The following KDM4A variants were observed in gnomAD, a reference collection of about 807,000 sequenced individuals.
KDM4A encodes the protein lysine demethylase 4A, also known as lysine-specific demethylase 4A.
Under a neutral mutation model 127.1 loss-of-function variants are expected in KDM4A, and 23 were observed. The observed-to-expected ratio is 0.18, with a 90% confidence interval of 0.13 to 0.26. The LOEUF (loss-of-function observed/expected upper bound fraction) is 0.26, where lower values mean the gene tolerates loss of function less well. Ranked by LOEUF, KDM4A falls within the 10% of genes least tolerant of loss-of-function variation. KDM4A has a pLI of 1.00. For synonymous variants in KDM4A, 443 were observed against 466.5 expected (o/e 0.95, Z 0.65); for missense variants, 890 against 1,329.1 (o/e 0.67, Z 5.14).
At chr1:43,660,522 G>C in intron 4 of KDM4A, 110 bp downstream of exon 4, 4 of 1,415,522 alleles carry the variant, frequency 2.8e-6, no homozygotes, top group Non-Finnish European at 3.8e-6. Flanking sequence ...ATGGGTGGAT[G>C]AACAGATGAT....
chr1:43,704,497 C>T lies in KDM4A; in HGVS notation c.*127C>T, dbSNP rs978322044. The T allele has an allele frequency of 3.8e-6, 4 of 1,045,632 alleles. No individual in the cohort carries two copies. Among genetic ancestry groups the T allele is most frequent in the East Asian group, 2.4e-5 (1 of 41,748 alleles). 64.8% of individuals were successfully genotyped at this position (1,045,632 alleles called of 1,614,324 possible). ...GTAAAAAGAAAAGGAATGAAATAAC[C>T]GACCCATCATCTTCTCACCCACCCT... On this transcript the variant is annotated 3_prime_UTR_variant, in exon 22 of 22. Transcript: ENST00000372396.
chr1:43,700,174 T>G (rs1041284608), intron 19 of KDM4A: 3 of 152,114 alleles, frequency 2.0e-5, no homozygotes, highest in Non-Finnish European at 4.4e-5. Context: ...GTCACCCACG[T>G]TGGAGTGCAG....
At chr1:43,664,822 T>C (rs960487011) in intron 5 of KDM4A, among the ~76,000 whole-genome samples, 6 of 152,290 alleles carry the variant, frequency 3.9e-5, no homozygotes, top group African/African-American at 1.2e-4. Flanking sequence ...TTTCCAGTTA[T>C]TATATACATT....
intron 11 of KDM4A, 116 bp from the exon 12 acceptor site, chr1:43,683,568 A>C (rs890385906): frequency 8.3e-7 from 1 of 1,204,060 alleles, no homozygotes; most frequent in Non-Finnish European, 1.2e-6. Flanking sequence ...GTTTGGTATT[A>C]TATGTCTTTT....
chr1:43,675,982 A>G (rs1053508877), intron 11 of KDM4A, among the ~76,000 whole-genome samples: 3 of 151,666 alleles, frequency 2.0e-5, no homozygotes, highest in African/African-American at 7.3e-5. Context: ...CTGAGGCAGG[A>G]AAGCGCTTAA....
chr1:43,703,803 CA>C, intron 20 of KDM4A, 67 bp downstream of exon 20: 1 of 1,595,888 alleles, frequency 6.3e-7, no homozygotes, highest in Non-Finnish European at 8.6e-7. Context: ...CCTGTTGGGC[CA>C]GAGGCGAGTC....
rs1660415149 is a variant in KDM4A, at chr1:43,662,817, C to T, written c.430-77C>T. ...GTCAGAGATGACAGCTTACTTGTGA[C>T]CTACTCTGATTTGTAGGTTCAGAGC... On this transcript the variant is annotated intron_variant, in intron 4 of 21. Transcript: ENST00000372396. 8 of 1,255,864 alleles carry T rather than the reference C, an allele frequency of 6.4e-6. No individual in the cohort carries two copies. The South Asian group carries it at 1.0e-4, about 16-fold the overall frequency. 77.8% of individuals were successfully genotyped at this position (1,255,864 alleles called of 1,614,324 possible). A position where few individuals can be genotyped will look rare whatever the true frequency, so the allele number is the denominator to read the frequency against.
chr1:43,701,613 G>A (rs928196364), intron 19 of KDM4A, among the ~76,000 whole-genome samples: 2 of 152,058 alleles, frequency 1.3e-5, no homozygotes, highest in South Asian at 4.1e-4. Flanking sequence ...TCAGCCTTCC[G>A]AGTAACTGGG....
At chr1:43,660,961 T>C (rs1660360816) in intron 4 of KDM4A, among the ~76,000 whole-genome samples, 1 of 152,042 alleles carries the variant, frequency 6.6e-6, no homozygotes, top group Non-Finnish European at 1.5e-5. Flanking sequence ...TCACTCATAA[T>C]TGTTTTCATA....
At chr1:43,692,799 T>C (rs1661148532) in intron 16 of KDM4A, among the ~76,000 whole-genome samples, 1 of 152,190 alleles carries the variant, frequency 6.6e-6, no homozygotes, top group Non-Finnish European at 1.5e-5. Context: ...TGGAACCGAA[T>C]CTGCTGAATT....
chr1:43,698,913 C>A (rs1256223987), intron 19 of KDM4A, among the ~76,000 whole-genome samples: 1 of 151,874 alleles, frequency 6.6e-6, no homozygotes, highest in African/African-American at 2.4e-5. Context: ...CTCAGCCTCC[C>A]TGGTAGCTGG....
intron 15 of KDM4A, 109 bp from the exon 16 acceptor site, chr1:43,692,147 T>C (rs991952169): frequency 7.6e-5 from 74 of 970,506 alleles, no homozygotes; most frequent in Non-Finnish European, 1.2e-4. Context: ...CATGCTATTA[T>C]GCTTCTTTCT....
chr1:43,673,005 G>T (rs1660661516), intron 11 of KDM4A, among the ~76,000 whole-genome samples: 1 of 152,132 alleles, frequency 6.6e-6, no homozygotes, highest in Non-Finnish European at 1.5e-5. Flanking sequence ...TCCTTTTGGA[G>T]ACCAAGATGC....
chr1:43,674,570 G>A (rs1229102691), intron 11 of KDM4A, among the ~76,000 whole-genome samples: 1 of 150,948 alleles, frequency 6.6e-6, no homozygotes, highest in African/African-American at 2.4e-5. Flanking sequence ...AGGCTGGAGT[G>A]CAGTGGTGTA....
chr1:43,664,253 C>T (rs946201688), intron 5 of KDM4A, among the ~76,000 whole-genome samples: 7 of 152,126 alleles, frequency 4.6e-5, no homozygotes, highest in South Asian at 2.1e-4. Flanking sequence ...GAACCACAGA[C>T]GCAGAGCTCC....
intron 9 of KDM4A, among the ~76,000 whole-genome samples, 195 bp from the exon 10 acceptor site, chr1:43,668,905 T>A (rs913555114): frequency 2.0e-5 from 3 of 152,212 alleles, no homozygotes; most frequent in Admixed American, 2.0e-4. Context: ...ATACCTGTAT[T>A]TTCCAGATGA....
chr1:43,660,530 G>C, intron 4 of KDM4A, 118 bp downstream of exon 4: 3 of 1,376,304 alleles, frequency 2.2e-6, no homozygotes, highest in Middle Eastern at 1.8e-4. Flanking sequence ...ATGAACAGAT[G>C]ATCTACCCCC....
chr1:43,685,174 A>G (rs537740276), intron 12 of KDM4A, among the ~76,000 whole-genome samples: 23 of 152,286 alleles, frequency 1.5e-4, no homozygotes, highest in African/African-American at 5.3e-4. Context: ...AAGGAGGCAG[A>G]GAAGCAGGGT....
intron 15 of KDM4A, 76 bp from the exon 16 acceptor site, chr1:43,692,180 C>A: frequency 2.3e-6 from 3 of 1,311,560 alleles, no homozygotes; most frequent in Non-Finnish European, 3.3e-6. Flanking sequence ...TTGCCCAAAG[C>A]AGGTCCAGGG....
Sources: allele counts gnomAD v4.1 joint callset (sites outside exome capture counted in the v4.1 genomes callset), GRCh38; gene constraint gnomAD v4.1.1; transcripts MANE v1.5; gene names NCBI Gene and HGNC (gene_info 2026-07-23, HGNC 2026-07-21).